CTSE: variants seen among roughly 807,000 people sequenced by gnomAD.
CTSE encodes erythrocyte membrane aspartic proteinase.
CTSE carries 43 observed loss-of-function variants against 42.8 expected under a neutral mutation model. The observed-to-expected ratio is 1.01, with a 90% CI of 0.79 to 1.30. The LOEUF (loss-of-function observed/expected upper bound fraction) is 1.30. Ranked by LOEUF, CTSE falls within the 50% of genes most tolerant of loss-of-function variation. The pLI is 0.00. For missense variants in CTSE, 532 were observed against 493.5 expected (o/e 1.08, Z -0.74); for synonymous variants, 205 against 191.5 (o/e 1.07, Z -0.58).
At chr1:206,010,933 A>T (rs781805180) in intron 8 of CTSE, among the ~76,000 whole-genome samples, 13 of 152,108 alleles carry the variant, frequency 8.5e-5, no homozygotes, top group Non-Finnish European at 1.9e-4. Flanking sequence ...TCTACCAGGC[A>T]AGTGTGGTCT....
At chr1:206,017,494 A>G (rs1190170554) in intron 4 of CTSE, among the ~76,000 whole-genome samples, 1 of 152,026 alleles carries the variant, frequency 6.6e-6, no homozygotes, top group East Asian at 1.9e-4. Flanking sequence ...ATATAAATCC[A>G]AATGATTTTT....
In CTSE at chr1:206,012,612, C is replaced by A. The variant is rs1661139853; in HGVS notation, c.823G>T (p.Gly275Cys). ...VGGTVMFCSE[G>C]CQAIVDTGTS... is the part of the protein sequence containing the mutation. Reference sequence around the variant, plus strand: ...CCTGTGTCCACAATGGCCTGGCAGCCCTCGGAGCAGAACATAACAGTGCCT... The same window carrying A: ...CCTGTGTCCACAATGGCCTGGCAGCACTCGGAGCAGAACATAACAGTGCCT... Residue 275 changes from glycine to cysteine, a missense_variant, in exon 7 of 9, where the codon GGC (glycine) becomes TGC (cysteine). By Grantham distance (159) the Gly-to-Cys change is radical. Transcript: ENST00000358184. 1 of 1,613,870 alleles carries A rather than the reference C, an allele frequency of 6.2e-7. No individual in the cohort carries two copies. The highest frequency in any genetic ancestry group is 1.3e-5 in the African/African-American group (1 of 74,912).
chr1:206,020,052 A>T (rs1302898967), intron 4 of CTSE, among the ~76,000 whole-genome samples: 2 of 145,766 alleles, frequency 1.4e-5, no homozygotes, highest in Non-Finnish European at 3.0e-5. Context: ...CATGTATTAT[A>T]TGATATAATT....
At chr1:206,016,730 C>G (rs983538402) in intron 4 of CTSE, among the ~76,000 whole-genome samples, 4 of 152,030 alleles carry the variant, frequency 2.6e-5, no homozygotes, top group Non-Finnish European at 5.9e-5. Flanking sequence ...TTGTTCAACG[C>G]AAGTCAGATG....
intron 5 of CTSE, 153 bp from the exon 6 acceptor site, chr1:206,014,047 T>A: frequency 1.3e-6 from 1 of 762,380 alleles, no homozygotes; most frequent in African/African-American, 1.7e-5. Flanking sequence ...CTCTGACTAC[T>A]GCAAGTGAAT....
At chr1:206,022,839 C>A in intron 2 of CTSE, 62 bp downstream of exon 2, 1 of 1,463,622 alleles carries the variant, frequency 6.8e-7, no homozygotes, top group Non-Finnish European at 9.2e-7. Flanking sequence ...CTGGCCATGC[C>A]CTAATGCTGG....
intron 1 of CTSE, 111 bp from the exon 2 acceptor site, chr1:206,023,168 G>GGGGGGGGGGA: frequency 6.9e-6 from 3 of 433,974 alleles, no homozygotes; most frequent in East Asian, 6.4e-5. Context: ...GGGAGGGGGG[G>GGGGGGGGGGA]ATCTGCAAGA....
intron 5 of CTSE, among the ~76,000 whole-genome samples, chr1:206,014,614 G>T (rs1661212299): frequency 6.6e-6 from 1 of 151,996 alleles, no homozygotes; most frequent in Non-Finnish European, 1.5e-5. Context: ...CCGTGTAGTG[G>T]GGATTTTATC....
chr1:206,019,415 T>A (rs1661349944), intron 4 of CTSE, among the ~76,000 whole-genome samples: 1 of 151,966 alleles, frequency 6.6e-6, no homozygotes, highest in African/African-American at 2.4e-5. Flanking sequence ...GGGGATGTTA[T>A]GCAGCAAAAG....
At chr1:206,011,068 T>A (rs1242463497) in intron 8 of CTSE, among the ~76,000 whole-genome samples, 1 of 151,950 alleles carries the variant, frequency 6.6e-6, no homozygotes, top group Non-Finnish European at 1.5e-5. Context: ...TTTTGATGGA[T>A]CAAGGTGGCT....
Position 206,022,901 on chromosome 1 carries a change from A to T in CTSE, c.225T>A (p.Asp75Glu), listed in dbSNP as rs782614416. The change falls in exon 2 of 9, where the codon GAT (aspartate) becomes GAA (glutamate). Residue 75 changes from aspartate (D) to glutamate (E), a missense_variant and splice_region_variant. Transcript: ENST00000358184. ...CAGCCCTGACCCCAGGAGGCCTCAC[A>T]TCCAAGTAGTTGATGAGGGGTTCCT... is the stretch of plus-strand genomic sequence containing the variant. The part of the protein sequence containing the change: ...SAKEPLINYL[D>E]MEYFGTISIG... 2 of 1,570,362 alleles carry T rather than the reference A, an allele frequency of 1.3e-6. No homozygotes were observed. Among genetic ancestry groups the T allele is most frequent in the Non-Finnish European group, 1.7e-6 (2 of 1,154,424 alleles).
At position 206,021,059 on chromosome 1, in the gene CTSE, TCGG is replaced by T; in HGVS notation, c.449_451del (p.Ala150del). On this transcript the variant is annotated inframe_deletion, in exon 4 of 9. Transcript: ENST00000358184. ...AGGACTTGCACTCACAGAGACTTGG[TCGG>T]CTCCAATGATCCCGGACAAGCTCCC... The T allele has an allele frequency of 6.2e-7, 1 of 1,608,582 alleles. No homozygotes were observed. The highest frequency in any genetic ancestry group is 1.7e-4 in the Middle Eastern group (1 of 6,046).
intron 5 of CTSE, chr1:206,014,108 T>A (rs1661197942): frequency 1.8e-6 from 1 of 547,266 alleles, no homozygotes. Context: ...CTTGACCATT[T>A]GTGAATGTGT....
intron 6 of CTSE, 62 bp downstream of exon 6, chr1:206,013,710 T>C: frequency 1.3e-6 from 2 of 1,576,842 alleles, no homozygotes; most frequent in Non-Finnish European, 1.7e-6. Context: ...TTAAATCGGT[T>C]TGAGTTGTGC....
In CTSE at chr1:206,012,415, C is replaced by T; in HGVS notation, c.928-9G>A. On this transcript the variant is annotated splice_polypyrimidine_tract_variant and intron_variant, in intron 7 of 8. Transcript: ENST00000358184. ...GCACACTCCACAGCATACTAAAACC[C>T]AATACGGAGGATCCGTTTAGAGCCT... The T allele has an allele frequency of 6.2e-7, 1 of 1,613,920 alleles. No individual in the cohort carries two copies. The highest frequency in any genetic ancestry group is 1.1e-5 in the South Asian group (1 of 91,078).
intron 8 of CTSE, among the ~76,000 whole-genome samples, chr1:206,011,016 T>C (rs1407486334): frequency 2.0e-5 from 3 of 152,012 alleles, no homozygotes; most frequent in Admixed American, 2.0e-4. Context: ...CAGGGAGACT[T>C]CTTGAGAGGA....
chr1:206,016,180 C>G, intron 4 of CTSE, 50 bp from the exon 5 acceptor site: 2 of 1,561,390 alleles, frequency 1.3e-6, no homozygotes, highest in South Asian at 2.2e-5. Context: ...CAGGGGATTG[C>G]TGGCAAAGGG....
intron 1 of CTSE, among the ~76,000 whole-genome samples, chr1:206,023,296 G>A (rs1661506451): frequency 6.6e-6 from 1 of 151,910 alleles, no homozygotes; most frequent in African/African-American, 2.4e-5. Flanking sequence ...TCCTGGAGCT[G>A]AGGTCTTTGA....
chr1:206,015,977 C>A lies in CTSE; in HGVS notation c.616G>T (p.Ala206Ser), dbSNP rs188393288. 6.2e-7 allele frequency: 1 copy of A among 1,613,866 alleles called. No individual in the cohort carries two copies. The highest frequency in any genetic ancestry group is 1.3e-5 in the African/African-American group (1 of 75,028). The part of the protein sequence containing the change: ...GVTPVFDNMM[A>S]QNLVDLPMFS... ...ATCGGCAAGTCCACCAGGTTCTGAGCCATCATGTTGTCAAATACTGGAGTC... is the reference window on the plus strand; with the variant it reads ...ATCGGCAAGTCCACCAGGTTCTGAGACATCATGTTGTCAAATACTGGAGTC... The change falls in exon 5 of 9, where the codon GCT (alanine) becomes TCT (serine). Residue 206 changes from alanine to serine, a missense_variant. Ala to Ser is a moderately conservative substitution (Grantham distance 99). Transcript: ENST00000358184.
Sources: gnomAD v4.1 joint callset for allele counts (sites outside exome capture counted in the v4.1 genomes callset) on GRCh38, gnomAD v4.1.1 for gene constraint, MANE v1.5 for transcripts, NCBI Gene and HGNC (gene_info 2026-07-23, HGNC 2026-07-21) for gene names.